The following DDX11 variants were observed in gnomAD, a reference collection of about 807,000 sequenced individuals.
DDX11 encodes DEAD/H-box helicase 11.
In DDX11, 72 loss-of-function variants were observed where a neutral mutation model predicts 125.2. The observed-to-expected ratio is 0.58, with a 90% CI of 0.48 to 0.70. The LOEUF (loss-of-function observed/expected upper bound fraction) is 0.70, where lower values mean the gene tolerates loss of function less well. Among genes scored for constraint, DDX11 ranks in the 30% least tolerant of loss-of-function variants. The pLI is 0.00. For missense variants in DDX11, 883 were observed against 1,165.0 expected (o/e 0.76, Z 3.52); for synonymous variants, 347 against 452.6 (o/e 0.77, Z 2.96).
At chr12:31,077,651 T>C (rs1387988222) in intron 1 of DDX11, among the ~76,000 whole-genome samples, 1 of 151,756 alleles carries the variant, frequency 6.6e-6, no homozygotes, top group African/African-American at 2.4e-5. Flanking sequence ...ATCGAGACCA[T>C]CCTGGCTAAC....
chr12:31,099,080 C>CTTTTTTTTGTTTTTTTTTT (rs1467965765), intron 18 of DDX11, among the ~76,000 whole-genome samples: 1 of 81,328 alleles, frequency 1.2e-5, no homozygotes, highest in African/African-American at 6.3e-5. Context: ...TTCTTTCTTT[C>CTTTTTTTTGTTTTTTTTTT]TTTCTTTTTT....
chr12:31,097,667 G>C (rs1485404658), intron 17 of DDX11, among the ~76,000 whole-genome samples: 1 of 127,702 alleles, frequency 7.8e-6, no homozygotes, highest in Non-Finnish European at 1.6e-5. Flanking sequence ...GCAACAGATC[G>C]AGACTCCATC....
rs192030957 is a variant in DDX11, at chr12:31,087,498, G to T, written c.639-440G>T. 1,374 of 322,968 alleles carry T rather than the reference G, an allele frequency of 4.3e-3. 13 individuals are homozygous for T. The highest frequency in any genetic ancestry group is 0.028 in the African/African-American group (1,300 of 46,532). 20.0% of individuals were successfully genotyped at this position (322,968 alleles called of 1,614,324 possible). A position where few individuals can be genotyped will look rare whatever the true frequency, so the allele number is the denominator to read the frequency against. ...GGTCAAAGAAGGCTTCCTGGAGGAG[G>T]TGATGTTTCTGCTGCTATCTCAGAG... On this transcript the variant is annotated intron_variant, in intron 5 of 26. Transcript: ENST00000542838.
In DDX11 at chr12:31,091,699, G is replaced by T. The variant is rs899309959; in HGVS notation, c.1090-20G>T. ...CAGGGGAGCCCCGCCCTGCTCAGGT[G>T]GCCTCATCTCCCCTCCCAGCTGGTG... On this transcript the variant is annotated intron_variant, in intron 9 of 26. Coordinates refer to ENST00000542838, the MANE Select transcript of DDX11 (RefSeq NM_030653.4). The T allele has an allele frequency of 1.6e-5, 26 of 1,593,976 alleles. No homozygotes were observed. Among genetic ancestry groups the T allele is most frequent in the Non-Finnish European group, 2.1e-5 (25 of 1,171,114 alleles).
rs747524268 is a variant in DDX11, at chr12:31,103,535, A to T, written c.2537-42A>T. 2.0e-5 allele frequency: 32 copies of T among 1,612,948 alleles called. No individual in the cohort carries two copies. The South Asian group carries it at 3.3e-4, about 17-fold the overall frequency. On this transcript the variant is annotated intron_variant, in intron 25 of 26. Coordinates refer to ENST00000542838, the MANE Select transcript of DDX11 (RefSeq NM_030653.4). The stretch of plus-strand genomic sequence containing the variant: ...GCCGTGGGAATGTGCTGTAGGGGGG[A>T]GGCAGGTGTTGCTCGGAGCCCCAGC...
intron 5 of DDX11, among the ~76,000 whole-genome samples, chr12:31,085,687 C>T (rs1942996137): frequency 6.6e-6 from 1 of 152,250 alleles, no homozygotes; most frequent in South Asian, 2.1e-4. Context: ...TCCCTGGTCA[C>T]AGCCCTGTTC....
chr12:31,075,656 AAACC>A (rs1173340901), intron 1 of DDX11, among the ~76,000 whole-genome samples: 1 of 152,200 alleles, frequency 6.6e-6, no homozygotes, highest in Non-Finnish European at 1.5e-5. Context: ...CTCGGAAGAG[AAACC>A]TTCACTTACA....
intron 2 of DDX11, 44 bp from the exon 3 acceptor site, chr12:31,083,769 C>G (rs1942486133): frequency 6.2e-7 from 1 of 1,602,110 alleles, no homozygotes; most frequent in Non-Finnish European, 8.5e-7. Flanking sequence ...ATTTGGGAGG[C>G]TTTGTTGTTT....
intron 18 of DDX11, among the ~76,000 whole-genome samples, chr12:31,098,223 C>T (rs1393559514): frequency 3.3e-5 from 5 of 152,222 alleles, no homozygotes; most frequent in African/African-American, 4.8e-5. Flanking sequence ...TCTGTAGCCC[C>T]AGGATCACAT....
chr12:31,093,313 C>T lies in DDX11; in HGVS notation c.1358C>T (p.Ala453Val). Residue 453 changes from alanine (A) to valine (V), a missense_variant, in exon 12 of 27, where the codon GCT becomes GTT. Ala to Val is a moderately conservative substitution (Grantham distance 64). Coordinates refer to ENST00000542838, the MANE Select transcript of DDX11 (RefSeq NM_030653.4). ...QILYLLEKFV[A>V]VLGGNIKQNP... ...CTGTATTTGCTGGAGAAATTCGTGG[C>T]TGTGCTAGGGGGTGAGAGCCTCGTC... 1.2e-6 allele frequency: 2 copies of T among 1,613,748 alleles called. No homozygotes were observed. Among genetic ancestry groups the T allele is most frequent in the Non-Finnish European group, 1.7e-6 (2 of 1,179,784 alleles).
At chr12:31,093,511 T>C in intron 12 of DDX11, 187 bp downstream of exon 12, 1 of 755,486 alleles carries the variant, frequency 1.3e-6, no homozygotes, top group Non-Finnish European at 2.3e-6. Context: ...GGTTAGGAGT[T>C]TTGAGACCAG....
chr12:31,094,438 C>T (rs1178335219), intron 12 of DDX11, 152 bp from the exon 13 acceptor site: 57 of 1,411,772 alleles, frequency 4.0e-5, no homozygotes, highest in Admixed American at 1.0e-4. Flanking sequence ...TCAGTGGGTC[C>T]GTTGCATGCT....
chr12:31,089,671 G>A (rs1943836107), intron 8 of DDX11, 181 bp downstream of exon 8: 8 of 1,148,428 alleles, frequency 7.0e-6, no homozygotes, highest in East Asian at 5.1e-5. Context: ...TGTCTGGTCC[G>A]AATCCTTGGC....
chr12:31,088,204 C>T (rs1399984525), intron 6 of DDX11, among the ~76,000 whole-genome samples: 2 of 151,928 alleles, frequency 1.3e-5, no homozygotes, highest in Non-Finnish European at 2.9e-5. Context: ...GGGGTCAGGG[C>T]CTGGGGAGTC....
chr12:31,095,455 T>C (rs1049966992), intron 14 of DDX11, among the ~76,000 whole-genome samples: 3 of 152,206 alleles, frequency 2.0e-5, no homozygotes, highest in Non-Finnish European at 4.4e-5. Context: ...AGTGAGCCAA[T>C]AGCAAGTGGC....
chr12:31,085,974 T>G, intron 5 of DDX11: 1 of 453,504 alleles, frequency 2.2e-6, no homozygotes, highest in South Asian at 1.6e-5. Flanking sequence ...CCAGAGACCC[T>G]CCATGGATAT....
chr12:31,091,990 G>A (rs1808349), intron 10 of DDX11, 119 bp downstream of exon 10: 685,960 of 1,420,482 alleles, frequency 0.48, 172,035 homozygotes, highest in East Asian at 0.84. Flanking sequence ...GAGGGTGCAC[G>A]AGTCAAGGCG....
At chr12:31,099,700 T>C (rs1946044537) in intron 18 of DDX11, among the ~76,000 whole-genome samples, 1 of 152,108 alleles carries the variant, frequency 6.6e-6, no homozygotes, top group Non-Finnish European at 1.5e-5. Context: ...TTTTGTTTCA[T>C]TTTCTTTTCA....
intron 15 of DDX11, 54 bp from the exon 16 acceptor site, chr12:31,096,583 C>G (rs1945278911): frequency 1.1e-5 from 18 of 1,601,888 alleles, no homozygotes; most frequent in East Asian, 2.2e-5. Context: ...CACCCAGCCT[C>G]TCTCTCATGG....
Sources: allele counts gnomAD v4.1 joint callset (sites outside exome capture counted in the v4.1 genomes callset), GRCh38; gene constraint gnomAD v4.1.1; transcripts MANE v1.5; gene names NCBI Gene and HGNC (gene_info 2026-07-23, HGNC 2026-07-21).